PDE3B: variants seen among roughly 807,000 people sequenced by gnomAD.
PDE3B encodes cGMP-inhibited 3',5'-cyclic phosphodiesterase 3B.
Under a neutral mutation model 116.8 loss-of-function variants are expected in PDE3B, and 66 were observed. That is an observed-to-expected ratio of 0.56 (90% CI 0.46 to 0.69). The LOEUF is 0.69. Among genes scored for constraint, PDE3B ranks in the 30% least tolerant of loss-of-function variants. The pLI, the probability that PDE3B is intolerant of heterozygous loss-of-function variation, is 0.00. For synonymous variants in PDE3B, 595 were observed against 533.6 expected (o/e 1.12, Z -1.59); for missense variants, 1,384 against 1,368.1 (o/e 1.01, Z -0.18).
chr11:14,734,020 G>A (rs929622449), intron 1 of PDE3B, among the ~76,000 whole-genome samples: 2 of 152,178 alleles, frequency 1.3e-5, no homozygotes, highest in Non-Finnish European at 2.9e-5. Flanking sequence ...GTGTAGTCGT[G>A]AGTCAAACAT....
the PDE3B span, chr11:14,878,154 G>A: frequency 6.2e-7 from 1 of 1,613,018 alleles, no homozygotes; most frequent in Non-Finnish European, 8.5e-7. Context: ...AGGTAGGGTT[G>A]GGGCTGCAAT....
chr11:14,645,303 A>G (rs1283075491), intron 1 of PDE3B, among the ~76,000 whole-genome samples: 1 of 152,112 alleles, frequency 6.6e-6, no homozygotes, highest in Non-Finnish European at 1.5e-5. Flanking sequence ...CGCTAATCAC[A>G]TGGCACTTTT....
intron 5 of PDE3B, 79 bp downstream of exon 5, chr11:14,804,129 T>G: frequency 1.3e-6 from 1 of 747,414 alleles, no homozygotes; most frequent in East Asian, 2.6e-5. Context: ...ATCACATATT[T>G]ATAGCTAATT....
intron 2 of PDE3B, chr11:14,772,869 G>A (rs1857685538): frequency 1.3e-5 from 2 of 151,882 alleles, no homozygotes; most frequent in Admixed American, 1.3e-4. Flanking sequence ...TAGCTTATTT[G>A]AAGATTCTTT....
chr11:14,677,927 A>C (rs751832470), intron 1 of PDE3B, among the ~76,000 whole-genome samples: 1 of 152,054 alleles, frequency 6.6e-6, no homozygotes, highest in Non-Finnish European at 1.5e-5. Flanking sequence ...CCATTCATTC[A>C]TCCTTTTTAT....
At chr11:14,809,507 T>A (rs1395042290) in intron 5 of PDE3B, among the ~76,000 whole-genome samples, 1 of 152,238 alleles carries the variant, frequency 6.6e-6, no homozygotes, top group Admixed American at 6.5e-5. Flanking sequence ...AATCTACTCA[T>A]ATAAAATGTC....
chr11:14,789,542 G>A (rs1363697281), intron 4 of PDE3B, among the ~76,000 whole-genome samples: 2 of 151,980 alleles, frequency 1.3e-5, no homozygotes, highest in Non-Finnish European at 1.5e-5. Flanking sequence ...TTTTTAAATC[G>A]ATAGAAGTGG....
intron 5 of PDE3B, among the ~76,000 whole-genome samples, chr11:14,809,276 C>G (rs1859050024): frequency 1.3e-5 from 2 of 152,150 alleles, no homozygotes; most frequent in Non-Finnish European, 2.9e-5. Flanking sequence ...CACACAAAAA[C>G]TTGTGCATAA....
chr11:14,733,940 A>G (rs1822096145), intron 1 of PDE3B, among the ~76,000 whole-genome samples: 1 of 152,246 alleles, frequency 6.6e-6, no homozygotes, highest in Non-Finnish European at 1.5e-5. Context: ...CTTTATTGAA[A>G]ATTGAAAATT....
intron 1 of PDE3B, among the ~76,000 whole-genome samples, chr11:14,738,612 C>T (rs540397930): frequency 1.4e-4 from 22 of 152,284 alleles, no homozygotes; most frequent in Non-Finnish European, 2.6e-4. Context: ...TTAATTAGAT[C>T]CCATTTGTCA....
the PDE3B span, chr11:14,880,623 T>C: frequency 5.6e-6 from 9 of 1,608,466 alleles, no homozygotes; most frequent in East Asian, 1.3e-4. Context: ...TACCTTTGTA[T>C]GTTTCAATAG....
intron 1 of PDE3B, among the ~76,000 whole-genome samples, chr11:14,664,880 C>T (rs957422809): frequency 3.3e-5 from 5 of 152,112 alleles, no homozygotes; most frequent in Non-Finnish European, 7.4e-5. Flanking sequence ...CTATTCCAAT[C>T]AATAGAAAAA....
At chr11:14,812,165 T>A (rs1859158477) in intron 5 of PDE3B, among the ~76,000 whole-genome samples, 1 of 152,192 alleles carries the variant, frequency 6.6e-6, no homozygotes, top group Admixed American at 6.5e-5. Flanking sequence ...ATGGAAATAT[T>A]CCAGAATTAG....
intron 1 of PDE3B, among the ~76,000 whole-genome samples, chr11:14,664,158 G>C (rs1037672089): frequency 1.3e-5 from 2 of 152,184 alleles, no homozygotes; most frequent in African/African-American, 4.8e-5. Flanking sequence ...ACCTGCTCCT[G>C]AACGACTACT....
At chr11:14,727,301 G>A (rs2133850254) in intron 1 of PDE3B, among the ~76,000 whole-genome samples, 1 of 152,140 alleles carries the variant, frequency 6.6e-6, no homozygotes, top group Non-Finnish European at 1.5e-5. Flanking sequence ...GTCTTTTGAA[G>A]AAATTTACAT....
At chr11:14,721,181 T>C (rs1856062549) in intron 1 of PDE3B, among the ~76,000 whole-genome samples, 1 of 152,026 alleles carries the variant, frequency 6.6e-6, no homozygotes, top group Non-Finnish European at 1.5e-5. Context: ...AAAATGCTCA[T>C]CATCACTGGC....
At chr11:14,675,730 T>C (rs2133787359) in intron 1 of PDE3B, among the ~76,000 whole-genome samples, 1 of 152,322 alleles carries the variant, frequency 6.6e-6, no homozygotes, top group East Asian at 1.9e-4. Flanking sequence ...TGAATGAATA[T>C]ATTTTATGAA....
At chr11:14,828,616 T>A (rs1426360252) in intron 7 of PDE3B, among the ~76,000 whole-genome samples, 4 of 152,130 alleles carry the variant, frequency 2.6e-5, no homozygotes, top group Non-Finnish European at 5.9e-5. Flanking sequence ...TGAAACACCA[T>A]CTAACACCAG....
intron 1 of PDE3B, among the ~76,000 whole-genome samples, chr11:14,682,881 T>C (rs1365032105): frequency 2.6e-5 from 4 of 151,870 alleles, no homozygotes; most frequent in Non-Finnish European, 5.9e-5. Flanking sequence ...AATGAGTGTA[T>C]AGACCTGGTT....
Sources: gnomAD v4.1 joint callset for allele counts (sites outside exome capture counted in the v4.1 genomes callset) on GRCh38, gnomAD v4.1.1 for gene constraint, MANE v1.5 for transcripts, NCBI Gene and HGNC (gene_info 2026-07-23, HGNC 2026-07-21) for gene names.